Variants in GALNT13 observed in about 807,000 individuals in gnomAD.
GALNT13 encodes UDP-GalNAc:polypeptide N-acetylgalactosaminyltransferase 13.
A neutral mutation model predicts 64.2 loss-of-function variants in GALNT13; 28 were observed. The ratio of observed to expected loss-of-function variants is 0.44; its 90% CI spans 0.32 to 0.60. The LOEUF is 0.60. GALNT13 is among the 20% of genes least tolerant of loss of function. The pLI is 0.05. For missense variants in GALNT13, 577 were observed against 669.8 expected (o/e 0.86, Z 1.53); for synonymous variants, 214 against 224.6 (o/e 0.95, Z 0.42).
chr2:153,145,087 T>C, the GALNT13 span, among the ~76,000 whole-genome samples: 8 of 152,028 alleles, frequency 5.3e-5, no homozygotes, highest in East Asian at 1.6e-3. Context: ...ACTGTAGATA[T>C]GAAGAAGTGA....
the GALNT13 span, among the ~76,000 whole-genome samples, chr2:153,572,416 G>A: frequency 6.1e-5 from 9 of 148,506 alleles, no homozygotes; most frequent in Admixed American, 2.7e-4. Flanking sequence ...TTGTTTTATC[G>A]ATCTTTTGTA....
At chr2:153,304,117 T>C in the GALNT13 span, among the ~76,000 whole-genome samples, 20 of 113,644 alleles carry the variant, frequency 1.8e-4, no homozygotes, top group African/African-American at 6.7e-4. Context: ...CATTACTCAT[T>C]ATCAGATGCC....
At chr2:154,108,008 G>A (rs1181398001) in intron 3 of GALNT13, among the ~76,000 whole-genome samples, 4 of 151,994 alleles carry the variant, frequency 2.6e-5, no homozygotes, top group Admixed American at 1.3e-4. Context: ...GTGTGTTGTT[G>A]TACACTTGGG....
the GALNT13 span, among the ~76,000 whole-genome samples, chr2:153,730,205 A>G: frequency 6.6e-6 from 1 of 152,092 alleles, no homozygotes; most frequent in Non-Finnish European, 1.5e-5. Context: ...CTACAAGACT[A>G]TAGTACCGAA....
intron 9 of GALNT13, among the ~76,000 whole-genome samples, chr2:154,310,879 G>C (rs927713376): frequency 2.1e-4 from 32 of 151,568 alleles, no homozygotes; most frequent in African/African-American, 7.5e-4. Flanking sequence ...AATGAAATAA[G>C]ATATATAAAT....
the GALNT13 span, among the ~76,000 whole-genome samples, chr2:153,385,034 T>G: frequency 6.6e-6 from 1 of 151,920 alleles, no homozygotes; most frequent in Non-Finnish European, 1.5e-5. Flanking sequence ...TATTTAAAAT[T>G]GACTCTTTGA....
chr2:153,601,813 G>A, the GALNT13 span, among the ~76,000 whole-genome samples: 1 of 151,698 alleles, frequency 6.6e-6, no homozygotes, highest in Non-Finnish European at 1.5e-5. Context: ...CTACCAAATG[G>A]CAGGCAGAAT....
In GALNT13 at chr2:154,120,021, T is replaced by C. The variant is rs148716468; in HGVS notation, c.143-20316T>C. 4.5e-3 allele frequency among the ~76,000 whole-genome samples: 692 copies of C among 152,344 alleles called. 10 individuals are homozygous for C. The highest frequency in any genetic ancestry group is 0.016 in the African/African-American group (650 of 41,576). ...CATAATTCTTGTTTCCTTGCATTGT[T>C]GTCTGTACATTTGTGGAGACTTCCC... On this transcript the variant is annotated intron_variant, in intron 3 of 12. Transcript: ENST00000392825.
At chr2:153,699,303 G>C in the GALNT13 span, among the ~76,000 whole-genome samples, 2 of 152,128 alleles carry the variant, frequency 1.3e-5, no homozygotes, top group Non-Finnish European at 2.9e-5. Flanking sequence ...AGAACAAAGA[G>C]GTAACCTACC....
At chr2:153,667,486 A>G in the GALNT13 span, among the ~76,000 whole-genome samples, 1,702 of 150,922 alleles carry the variant, frequency 0.011, 32 homozygotes, top group African/African-American at 0.04. Flanking sequence ...ATTCTTAAAG[A>G]AAAGAAATTC....
chr2:153,248,838 GA>G, the GALNT13 span, among the ~76,000 whole-genome samples: 11 of 138,122 alleles, frequency 8.0e-5, 1 homozygote, highest in South Asian at 4.5e-4. Context: ...AGAAAAAAAA[GA>G]AAAAAAAAAC....
the GALNT13 span, among the ~76,000 whole-genome samples, chr2:153,524,135 C>T: frequency 6.6e-6 from 1 of 152,162 alleles, no homozygotes; most frequent in African/African-American, 2.4e-5. Flanking sequence ...GTCAAATCAC[C>T]TTTGCATATC....
chr2:153,693,337 G>T, the GALNT13 span, among the ~76,000 whole-genome samples: 1 of 152,122 alleles, frequency 6.6e-6, no homozygotes, highest in Non-Finnish European at 1.5e-5. Context: ...TTCGGATTTA[G>T]CCCTGGGATC....
At chr2:153,561,930 A>G in the GALNT13 span, among the ~76,000 whole-genome samples, 1 of 152,114 alleles carries the variant, frequency 6.6e-6, no homozygotes, top group African/African-American at 2.4e-5. Flanking sequence ...CATACAGAAT[A>G]ATAATTTCAG....
At chr2:154,431,707 C>T (rs551103380) in intron 11 of GALNT13, among the ~76,000 whole-genome samples, 3 of 152,334 alleles carry the variant, frequency 2.0e-5, no homozygotes, top group Non-Finnish European at 2.9e-5. Flanking sequence ...ATAATCCCCA[C>T]GTGTCATGAG....
intron 7 of GALNT13, among the ~76,000 whole-genome samples, chr2:154,250,215 A>C (rs370766641): frequency 1.4e-4 from 22 of 152,268 alleles, no homozygotes; most frequent in East Asian, 9.6e-4. Context: ...TAACATATAA[A>C]TATTGCAAAA....
the GALNT13 span, among the ~76,000 whole-genome samples, chr2:153,807,605 T>A: frequency 0.37 from 55,738 of 151,864 alleles, 10,540 homozygotes; most frequent in Middle Eastern, 0.51. Flanking sequence ...GCCAGACCTT[T>A]TCCCATCCTC....
chr2:154,227,718 T>C (rs905851127), intron 4 of GALNT13, among the ~76,000 whole-genome samples: 2 of 151,976 alleles, frequency 1.3e-5, no homozygotes, highest in Non-Finnish European at 2.9e-5. Flanking sequence ...TGGGGCACAT[T>C]TTTCTAATCA....
chr2:153,837,351 G>C, the GALNT13 span, among the ~76,000 whole-genome samples: 5 of 151,970 alleles, frequency 3.3e-5, no homozygotes, highest in Middle Eastern at 3.4e-3. Flanking sequence ...TTTTTGATGG[G>C]GTTGTTTGTT....
Sources: allele counts gnomAD v4.1 joint callset (sites outside exome capture counted in the v4.1 genomes callset), GRCh38; gene constraint gnomAD v4.1.1; transcripts MANE v1.5; gene names NCBI Gene and HGNC (gene_info 2026-07-23, HGNC 2026-07-21).